Variants in GLT1D1 observed in about 807,000 individuals in gnomAD.
The protein encoded by GLT1D1 is glycosyltransferase 1 domain containing 1.
GLT1D1 carries 21 observed loss-of-function variants against 28.7 expected under a neutral mutation model. That is an observed-to-expected ratio of 0.73 (90% CI 0.52 to 1.05). The LOEUF (loss-of-function observed/expected upper bound fraction) is 1.05, where lower values mean the gene tolerates loss of function less well. Ranked by LOEUF, GLT1D1 falls within the 50% of genes least tolerant of loss-of-function variation. The pLI, the probability that GLT1D1 is intolerant of heterozygous loss-of-function variation, is 0.00. For missense variants in GLT1D1, 343 were observed against 330.6 expected (o/e 1.04, Z -0.29); for synonymous variants, 147 against 124.8 (o/e 1.18, Z -1.19).
chr12:128,853,597 C>T lies in GLT1D1; in HGVS notation c.16C>T (p.Leu6=). The change falls in exon 1 of 8, where the codon CTG becomes TTG. Residue 6 remains leucine (L), a synonymous_variant. Transcript: ENST00000281703. ...CGGCGGCGGCATGCGGCTCCTGTTC[C>T]TGGCGGTGCTGCGGCCACACACCGG... 8.6e-7 allele frequency: 1 copy of T among 1,167,508 alleles called. No homozygotes were observed. The highest frequency in any genetic ancestry group is 2.4e-5 in the South Asian group (1 of 41,684). 72.3% of individuals were successfully genotyped at this position (1,167,508 alleles called of 1,614,324 possible). A position where few individuals can be genotyped will look rare whatever the true frequency, so the allele number is the denominator to read the frequency against.
rs150827801 is a variant in GLT1D1, at chr12:128,952,469, C to CTTTCTT, written c.540+5014_540+5015insCTTTTT. Among the ~76,000 whole-genome samples, 32 of 120,640 alleles carry CTTTCTT rather than the reference C, an allele frequency of 2.7e-4. 3 individuals are homozygous for CTTTCTT. The highest frequency in any genetic ancestry group is 4.7e-3 in the Middle Eastern group (1 of 214). 79.1% of individuals were successfully genotyped at this position (120,640 alleles called of 152,430 possible). A position where few individuals can be genotyped will look rare whatever the true frequency, so the allele number is the denominator to read the frequency against. ...TGGGGCTGAAAAGGGAAATTTCTTT[C>CTTTCTT]TTTTTTTTTTTTTTTGAGATGAAGT... is the stretch of plus-strand genomic sequence containing the variant. On this transcript the variant is annotated intron_variant, in intron 6 of 7. Transcript: ENST00000281703.
rs55668465 is a variant in GLT1D1 at position 128,977,772 on chromosome 12, C to T, written c.640-5157C>T. The stretch of plus-strand genomic sequence containing the variant: ...TGCCTTGTGAGTTCTTTTCTTTTTT[C>T]TTTTTTCTTTTTTTTTTTTTTTTGA... On this transcript the variant is annotated intron_variant, in intron 7 of 7. Transcript: ENST00000281703. Among the ~76,000 whole-genome samples the T allele has an allele frequency of 2.8e-3, 73 of 26,100 alleles. 2 individuals carry two copies. The highest frequency in any genetic ancestry group is 0.018 in the Middle Eastern group (1 of 56). The allele number at this position is 26,100 out of a possible 152,430, so 17.1% of individuals were successfully genotyped here.
intron 6 of GLT1D1, among the ~76,000 whole-genome samples, chr12:128,956,611 G>A (rs111740055): frequency 0.025 from 3,745 of 152,214 alleles, 74 homozygotes; most frequent in Middle Eastern, 0.062. Flanking sequence ...TACACTGGGG[G>A]TTACAAAGTG....
chr12:128,945,446 A>T (rs896709580), intron 5 of GLT1D1, 77 bp downstream of exon 9: 1 of 1,133,770 alleles, frequency 8.8e-7, no homozygotes, highest in Non-Finnish European at 1.3e-6. Context: ...ACTCACATTT[A>T]TCCAGTCCCA....
rs1039744150 is a variant in GLT1D1 at position 128,969,339 on chromosome 12, C to A, written c.639+11696C>A. On this transcript the variant is annotated intron_variant, in intron 7 of 7. Coordinates refer to ENST00000281703, the MANE Select transcript of GLT1D1 (RefSeq NM_144669.3). The stretch of plus-strand genomic sequence containing the variant: ...CTCCTCTCCTGTTTTACACCTAACC[C>A]TTTTCTAAAGTGGTTCTTCTCACCC... 2.0e-5 allele frequency among the ~76,000 whole-genome samples: 3 copies of A among 152,240 alleles called. No individual in the cohort carries two copies. The Middle Eastern group carries it at 0.01, about 518-fold the overall frequency.
At chr12:128,976,163 T>G (rs924159763) in intron 7 of GLT1D1, among the ~76,000 whole-genome samples, 3 of 152,218 alleles carry the variant, frequency 2.0e-5, no homozygotes, top group African/African-American at 7.2e-5. Flanking sequence ...CTTGCAGTTT[T>G]CAACAAAATA....
In GLT1D1 at chr12:128,983,184, C is replaced by G; in HGVS notation, c.*94C>G. 1 of 1,112,172 alleles carries G rather than the reference C, an allele frequency of 9.0e-7. No homozygotes were observed. The highest frequency in any genetic ancestry group is 1.4e-5 in the South Asian group (1 of 70,442). The allele number at this position is 1,112,172 out of a possible 1,614,324, so 68.9% of individuals were successfully genotyped here. A position where few individuals can be genotyped will look rare whatever the true frequency, so the allele number is the denominator to read the frequency against. The stretch of plus-strand genomic sequence containing the variant: ...TGGATCACGTGGGCCCAGTGCAGTT[C>G]AAATAAAACCAGCCTCAGCGGAATC... On this transcript the variant is annotated 3_prime_UTR_variant, in exon 8 of 8. Coordinates refer to ENST00000281703, the MANE Select transcript of GLT1D1 (RefSeq NM_144669.3). The surrounding 1 kb of genome is among the most constrained non-coding windows in gnomAD (Gnocchi z 4.7).
intron 1 of GLT1D1, among the ~76,000 whole-genome samples, chr12:128,875,120 AT>A (rs1304857194): frequency 1.3e-5 from 2 of 150,630 alleles, no homozygotes; most frequent in Admixed American, 6.7e-5. Flanking sequence ...ACCAGGAAGT[AT>A]TTTTTTTGAA....
intron 4 of GLT1D1, chr12:128,926,361 A>G (rs924380197): frequency 1.3e-5 from 20 of 1,502,282 alleles, no homozygotes; most frequent in Admixed American, 1.2e-4. Context: ...TCTTACAGAG[A>G]TTAACCAAAG....
chr12:128,927,220 T>TAGAAAA (rs1873318583), intron 4 of GLT1D1, 66 bp downstream of exon 8: 1 of 1,218,626 alleles, frequency 8.2e-7, no homozygotes, highest in Non-Finnish European at 1.2e-6. Context: ...TTATGTATTT[T>TAGAAAA]CTACAATCAG....
chr12:128,969,584 TC>T (rs1878832419), intron 7 of GLT1D1, among the ~76,000 whole-genome samples: 1 of 152,160 alleles, frequency 6.6e-6, no homozygotes, highest in Non-Finnish European at 1.5e-5. Context: ...AAGGTGGGGC[TC>T]ACTGCTCAGG....
intron 5 of GLT1D1, among the ~76,000 whole-genome samples, chr12:128,945,727 A>C (rs1405508381): frequency 2.6e-5 from 4 of 152,252 alleles, no homozygotes; most frequent in Admixed American, 2.0e-4. Flanking sequence ...GGAACCCAAC[A>C]GCACAGGCTT....
chr12:128,974,560 C>T lies in GLT1D1; in HGVS notation c.640-8369C>T, dbSNP rs75163448. Among the ~76,000 whole-genome samples, 1,261 of 152,280 alleles carry T rather than the reference C, an allele frequency of 8.3e-3. 17 individuals are homozygous for T. The highest frequency in any genetic ancestry group is 0.029 in the African/African-American group (1,199 of 41,538). Reference sequence around the variant, plus strand: ...AGAAGGGAAAGAGGAGTTTTACTGTCTCACCATCCATAAGACCACTCTTTT... The same window carrying T: ...AGAAGGGAAAGAGGAGTTTTACTGTTTCACCATCCATAAGACCACTCTTTT... On this transcript the variant is annotated intron_variant, in intron 7 of 7. Coordinates refer to ENST00000281703, the MANE Select transcript of GLT1D1 (RefSeq NM_144669.3).
At chr12:128,961,577 G>A (rs1307139295) in intron 7 of GLT1D1, among the ~76,000 whole-genome samples, 5 of 152,170 alleles carry the variant, frequency 3.3e-5, no homozygotes, top group African/African-American at 9.7e-5. Flanking sequence ...GATGACTATC[G>A]CACATTCTTG....
At chr12:128,965,856 C>A (rs1289000228) in intron 7 of GLT1D1, among the ~76,000 whole-genome samples, 1 of 152,074 alleles carries the variant, frequency 6.6e-6, no homozygotes, top group Admixed American at 6.6e-5. Flanking sequence ...GATCTTGCCA[C>A]TGCACTCCAC....
chr12:128,945,138 C>T (rs1218160958), intron 4 of GLT1D1, 188 bp from the exon 9 acceptor site: 4 of 735,752 alleles, frequency 5.4e-6, no homozygotes, highest in African/African-American at 3.4e-5. Context: ...TACGCGACGA[C>T]ACAGTGCCCT....
At chr12:128,975,456 AT>A (rs1565926958) in intron 7 of GLT1D1, among the ~76,000 whole-genome samples, 1 of 150,800 alleles carries the variant, frequency 6.6e-6, no homozygotes, top group Admixed American at 6.6e-5. Flanking sequence ...TTTGTTTTTT[AT>A]TTTTTTCTTT....
chr12:128,863,828 C>T (rs1017193569), intron 1 of GLT1D1, among the ~76,000 whole-genome samples: 2 of 151,766 alleles, frequency 1.3e-5, no homozygotes, highest in Non-Finnish European at 2.9e-5. Context: ...CACCTGCAAT[C>T]CCAGCTACTC....
intron 4 of GLT1D1, among the ~76,000 whole-genome samples, chr12:128,907,430 C>T (rs563716030): frequency 4.8e-4 from 73 of 151,976 alleles, no homozygotes; most frequent in African/African-American, 1.7e-3. Flanking sequence ...CTCAGCCTCC[C>T]GAGTAGCTGG....
Sources: gnomAD v4.1 joint callset for allele counts (sites outside exome capture counted in the v4.1 genomes callset) on GRCh38, gnomAD v4.1.1 for gene constraint, Gnocchi (gnomAD v3.1) non-coding constraint, MANE v1.5 for transcripts, NCBI Gene and HGNC (gene_info 2026-07-23, HGNC 2026-07-21) for gene names.